The following DLG2 variants were observed in gnomAD, a reference collection of about 807,000 sequenced individuals.
The protein encoded by DLG2 is discs large MAGUK scaffold protein 2, also known as disks large homolog 2.
In DLG2, 45 loss-of-function variants were observed where a neutral mutation model predicts 132.5. That is an observed-to-expected ratio of 0.34 (90% CI 0.27 to 0.44). DLG2 has a LOEUF of 0.44. Ranked by LOEUF, DLG2 falls within the 20% of genes least tolerant of loss-of-function variation. The probability of loss-of-function intolerance (pLI) is 1.00; values close to 1 mark genes in which losing one functional copy is unlikely to be tolerated. For missense variants in DLG2, 1,045 were observed against 1,196.9 expected, an observed-to-expected ratio of 0.87 and a Z score of 1.87; for synonymous variants, 424 against 419.6, an observed-to-expected ratio of 1.01 and a Z score of -0.13.
At chr11:85,090,459 G>A (rs1020337704) in intron 6 of DLG2, among the ~76,000 whole-genome samples, 3 of 152,102 alleles carry the variant, frequency 2.0e-5, no homozygotes, top group East Asian at 1.9e-4. Context: ...CCCACTGGAC[G>A]TCTCTCAATT....
rs550943715 is a variant in DLG2, at chr11:85,365,386, G to A, written c.41-80021C>T. Among the ~76,000 whole-genome samples, 7 of 152,254 alleles carry A rather than the reference G, an allele frequency of 4.6e-5. No individual in the cohort carries two copies. In the East Asian group the frequency reaches 1.4e-3, roughly 29 times the overall value. ...ATTAACTTGCACACGTGTAAGTCTGGTAGGAAAGGGCTGGGAACTGCACAG... is the reference window on the plus strand; with the variant it reads ...ATTAACTTGCACACGTGTAAGTCTGATAGGAAAGGGCTGGGAACTGCACAG... On this transcript the variant is annotated intron_variant, in intron 3 of 27. Coordinates refer to ENST00000376104, the MANE Select transcript of DLG2 (RefSeq NM_001142699.3).
At chr11:84,853,578 G>T (rs2082404580) in intron 6 of DLG2, among the ~76,000 whole-genome samples, 1 of 151,940 alleles carries the variant, frequency 6.6e-6, no homozygotes, top group Non-Finnish European at 1.5e-5. Context: ...TTTATTTAGT[G>T]CCTACCCTGC....
chr11:83,533,240 C>T (rs1367029492), intron 20 of DLG2, among the ~76,000 whole-genome samples: 1 of 152,110 alleles, frequency 6.6e-6, no homozygotes, highest in African/African-American at 2.4e-5. Flanking sequence ...TTTAACCAAA[C>T]ATGTTATATA....
chr11:84,282,240 T>G (rs2154370957), intron 7 of DLG2, among the ~76,000 whole-genome samples: 1 of 152,220 alleles, frequency 6.6e-6, no homozygotes, highest in African/African-American at 2.4e-5. Flanking sequence ...TCATGTTGAG[T>G]GAAAGAGGAC....
At chr11:85,016,917 G>A (rs1323984181) in intron 6 of DLG2, among the ~76,000 whole-genome samples, 1 of 152,088 alleles carries the variant, frequency 6.6e-6, no homozygotes, top group Non-Finnish European at 1.5e-5. Context: ...CTTCTGTTCT[G>A]CTCTCCCATC....
At chr11:85,093,592 G>A (rs1401491934) in intron 6 of DLG2, among the ~76,000 whole-genome samples, 1 of 152,214 alleles carries the variant, frequency 6.6e-6, no homozygotes, top group Admixed American at 6.5e-5. Flanking sequence ...CATGGTGGAA[G>A]GTGAGGAAGA....
intron 11 of DLG2, among the ~76,000 whole-genome samples, chr11:84,023,684 C>T (rs2095463253): frequency 6.6e-6 from 1 of 152,086 alleles, no homozygotes; most frequent in Non-Finnish European, 1.5e-5. Context: ...AGATGAACTG[C>T]ATAGCCTAGA....
chr11:83,583,914 G>A (rs1230017071), intron 19 of DLG2, among the ~76,000 whole-genome samples: 1 of 152,160 alleles, frequency 6.6e-6, no homozygotes, highest in Non-Finnish European at 1.5e-5. Flanking sequence ...TCTAGCCCAA[G>A]AATGACAGAA....
intron 6 of DLG2, among the ~76,000 whole-genome samples, chr11:84,887,800 G>A (rs557665739): frequency 2.0e-5 from 3 of 150,974 alleles, no homozygotes; most frequent in African/African-American, 2.5e-5. Flanking sequence ...CCTCCATACC[G>A]TTTCTTCACA....
At chr11:84,889,621 G>A (rs1363785963) in intron 6 of DLG2, among the ~76,000 whole-genome samples, 1 of 152,144 alleles carries the variant, frequency 6.6e-6, no homozygotes, top group South Asian at 2.1e-4. Flanking sequence ...TATCTGCTAA[G>A]CCCTGTGCTA....
chr11:83,894,427 A>C (rs1408789754), intron 15 of DLG2, among the ~76,000 whole-genome samples: 1 of 152,196 alleles, frequency 6.6e-6, no homozygotes, highest in African/African-American at 2.4e-5. Context: ...ACAGAGCCCC[A>C]AGGAAACAAA....
intron 6 of DLG2, among the ~76,000 whole-genome samples, chr11:84,756,433 T>C (rs1340520360): frequency 6.6e-6 from 1 of 152,166 alleles, no homozygotes; most frequent in Admixed American, 6.6e-5. Context: ...TTGACTATGT[T>C]TATACAGTGA....
intron 3 of DLG2, among the ~76,000 whole-genome samples, chr11:85,306,175 T>A (rs1354847664): frequency 6.6e-6 from 1 of 152,242 alleles, no homozygotes; most frequent in Non-Finnish European, 1.5e-5. Context: ...TCATTAAATG[T>A]CAGTTTACCT....
intron 22 of DLG2, among the ~76,000 whole-genome samples, chr11:83,482,969 A>C (rs2093242894): frequency 6.6e-6 from 1 of 152,148 alleles, no homozygotes; most frequent in South Asian, 2.1e-4. Flanking sequence ...AAGTGATGCT[A>C]TGGTGGGCAT....
At chr11:84,885,975 G>C (rs967429190) in intron 6 of DLG2, among the ~76,000 whole-genome samples, 1 of 152,004 alleles carries the variant, frequency 6.6e-6, no homozygotes, top group East Asian at 1.9e-4. Context: ...CTATTCACTA[G>C]GTATTGCATT....
intron 4 of DLG2, among the ~76,000 whole-genome samples, chr11:85,210,621 T>C (rs1199802801): frequency 1.3e-5 from 2 of 152,086 alleles, no homozygotes; most frequent in African/African-American, 2.4e-5. Flanking sequence ...GGGGAGCAAA[T>C]TGACTGACAG....
At chr11:84,648,911 C>G (rs1245611961) in intron 6 of DLG2, among the ~76,000 whole-genome samples, 1 of 152,128 alleles carries the variant, frequency 6.6e-6, no homozygotes, top group African/African-American at 2.4e-5. Flanking sequence ...ATAAATCATT[C>G]AGCCTCAAGT....
chr11:85,456,578 T>C (rs1233947297), intron 3 of DLG2, among the ~76,000 whole-genome samples: 3 of 152,178 alleles, frequency 2.0e-5, no homozygotes, highest in Non-Finnish European at 4.4e-5. Context: ...ATTTTAGATC[T>C]TTCAAGCCTT....
rs553453508 is a variant in DLG2, at chr11:83,516,287, C to CT, written c.2193+16420dup. 5.6e-3 allele frequency among the ~76,000 whole-genome samples: 853 copies of CT among 152,238 alleles called. 12 individuals are homozygous for CT. Among genetic ancestry groups the CT allele is most frequent in the African/African-American group, 0.019 (802 of 41,532 alleles). ...CCCTTTACCATTATGTAATGGCCTT[C>CT]TTTGTCTGTTTTGATCTTTGTTGGT... On this transcript the variant is annotated intron_variant, in intron 21 of 27. Transcript: ENST00000376104.
Sources: gnomAD v4.1 joint callset for allele counts (sites outside exome capture counted in the v4.1 genomes callset) on GRCh38, gnomAD v4.1.1 for gene constraint, MANE v1.5 for transcripts, NCBI Gene and HGNC (gene_info 2026-07-23, HGNC 2026-07-21) for gene names.